Variants in LRMDA observed in about 807,000 individuals in gnomAD.
The protein encoded by LRMDA is leucine-rich melanocyte differentiation-associated protein.
A neutral mutation model predicts 29.8 loss-of-function variants in LRMDA; 18 were observed. The ratio of observed to expected loss-of-function variants is 0.60; its 90% confidence interval spans 0.42 to 0.90. LRMDA has a LOEUF of 0.90. Ranked by LOEUF, LRMDA falls within the 40% of genes least tolerant of loss-of-function variation. The pLI is 0.00. For missense variants in LRMDA, 273 were observed against 273.9 expected (o/e 1.00, Z 0.02); for synonymous variants, 125 against 109.4 (o/e 1.14, Z -0.89).
At chr10:75,602,630 C>T (rs1840901781) in intron 2 of LRMDA, among the ~76,000 whole-genome samples, 1 of 152,126 alleles carries the variant, frequency 6.6e-6, no homozygotes, top group Non-Finnish European at 1.5e-5. Context: ...AGCTTCCAAG[C>T]ATAACTCCTA....
chr10:75,637,650 T>C (rs948485451), intron 2 of LRMDA, among the ~76,000 whole-genome samples: 11 of 152,354 alleles, frequency 7.2e-5, no homozygotes, highest in African/African-American at 2.6e-4. Flanking sequence ...GAAGGAAAAA[T>C]TGGAACCACT....
intron 2 of LRMDA, among the ~76,000 whole-genome samples, chr10:75,752,501 C>T (rs1001455900): frequency 1.2e-4 from 18 of 152,198 alleles, no homozygotes; most frequent in African/African-American, 2.9e-4. Context: ...TGAACCACCA[C>T]GCCCAGCCAA....
intron 5 of LRMDA, among the ~76,000 whole-genome samples, chr10:76,250,160 G>A (rs1241840352): frequency 6.6e-6 from 1 of 152,172 alleles, no homozygotes; most frequent in Non-Finnish European, 1.5e-5. Context: ...GGTTCTCATT[G>A]CTGAGTTATC....
chr10:76,374,414 G>A (rs1042974524), intron 6 of LRMDA, among the ~76,000 whole-genome samples: 3 of 152,152 alleles, frequency 2.0e-5, no homozygotes, highest in African/African-American at 4.8e-5. Flanking sequence ...GGACTCATAC[G>A]TCTGGATTGG....
intron 2 of LRMDA, among the ~76,000 whole-genome samples, chr10:75,869,515 T>C (rs774869045): frequency 1.3e-5 from 2 of 152,228 alleles, no homozygotes; most frequent in Non-Finnish European, 2.9e-5. Flanking sequence ...GAGCCTGTTA[T>C]CACGTATTTT....
chr10:76,368,550 C>T (rs1841418482), intron 6 of LRMDA, among the ~76,000 whole-genome samples: 1 of 152,044 alleles, frequency 6.6e-6, no homozygotes, highest in African/African-American at 2.4e-5. Context: ...AAGTTCCATG[C>T]ATTGTTGAAT....
intron 2 of LRMDA, among the ~76,000 whole-genome samples, chr10:76,026,306 A>G (rs1410879986): frequency 1.3e-5 from 2 of 152,208 alleles, no homozygotes; most frequent in Admixed American, 6.5e-5. Flanking sequence ...GTAGTTTAAC[A>G]TAGTTGGGGA....
intron 2 of LRMDA, among the ~76,000 whole-genome samples, chr10:75,734,014 C>A (rs1021630494): frequency 6.6e-6 from 1 of 152,228 alleles, no homozygotes; most frequent in African/African-American, 2.4e-5. Context: ...TGGGCCTCAC[C>A]CAGCTGTTTC....
chr10:75,934,480 TA>T (rs1846254850), intron 2 of LRMDA, among the ~76,000 whole-genome samples: 1 of 152,134 alleles, frequency 6.6e-6, no homozygotes, highest in Admixed American at 6.5e-5. Context: ...TGAAAGCATT[TA>T]TAGGGAAGGA....
At chr10:75,701,834 C>A (rs1474612306) in intron 2 of LRMDA, among the ~76,000 whole-genome samples, 1 of 152,178 alleles carries the variant, frequency 6.6e-6, no homozygotes, top group Non-Finnish European at 1.5e-5. Context: ...CCCTCAATAA[C>A]CTTTGTTTCT....
Position 76,240,208 on chromosome 10 carries a change from C to T in LRMDA, c.517-84193C>T, listed in dbSNP as rs996866038. Among the ~76,000 whole-genome samples the T allele has an allele frequency of 9.9e-5, 15 of 151,040 alleles. No homozygotes were observed. The East Asian group carries it at 1.9e-3, about 20-fold the overall frequency. ...CACACACACACCACACACACACACA[C>T]ACCACACACACACATACGCACACCA... On this transcript the variant is annotated intron_variant, in intron 5 of 6. Coordinates refer to ENST00000611255, the MANE Select transcript of LRMDA (RefSeq NM_001305581.2).
chr10:76,110,050 GTC>G (rs1849552068), intron 5 of LRMDA, among the ~76,000 whole-genome samples: 1 of 152,124 alleles, frequency 6.6e-6, no homozygotes, highest in Non-Finnish European at 1.5e-5. Context: ...TCAGGGATGT[GTC>G]CTCTGACCAC....
At chr10:76,030,565 C>T (rs552074285) in intron 2 of LRMDA, among the ~76,000 whole-genome samples, 4 of 152,118 alleles carry the variant, frequency 2.6e-5, no homozygotes, top group East Asian at 3.9e-4. Flanking sequence ...CTGAGGGGGG[C>T]GGATTATGAG....
At chr10:75,542,372 G>A (rs566354570) in intron 2 of LRMDA, among the ~76,000 whole-genome samples, 2 of 151,936 alleles carry the variant, frequency 1.3e-5, no homozygotes, top group Non-Finnish European at 2.9e-5. Context: ...AGGAGTGTTT[G>A]CACTTTCACA....
intron 2 of LRMDA, among the ~76,000 whole-genome samples, chr10:75,684,252 T>C (rs1589156909): frequency 6.6e-6 from 1 of 152,208 alleles, no homozygotes; most frequent in Admixed American, 6.5e-5. Context: ...TTAAGAAACC[T>C]TTAAGCTTAG....
chr10:75,755,233 A>G (rs1038782600), intron 2 of LRMDA, among the ~76,000 whole-genome samples: 41 of 152,228 alleles, frequency 2.7e-4, no homozygotes, highest in African/African-American at 9.9e-4. Flanking sequence ...AAAAAGTCTT[A>G]GTTAAATGAA....
intron 2 of LRMDA, among the ~76,000 whole-genome samples, chr10:75,526,639 G>A (rs1241572356): frequency 1.3e-5 from 2 of 151,950 alleles, no homozygotes; most frequent in African/African-American, 4.8e-5. Context: ...GATTGCTTGA[G>A]CCCAGGAGTT....
chr10:75,869,044 A>ATGTTG (rs1421039091), intron 2 of LRMDA, among the ~76,000 whole-genome samples: 2 of 152,210 alleles, frequency 1.3e-5, no homozygotes, highest in African/African-American at 4.8e-5. Flanking sequence ...AAATCACTGA[A>ATGTTG]TGTTGCCCAA....
intron 2 of LRMDA, among the ~76,000 whole-genome samples, chr10:76,007,268 C>T (rs1441830524): frequency 1.3e-5 from 2 of 151,938 alleles, no homozygotes; most frequent in Non-Finnish European, 2.9e-5. Context: ...CCCTCTCTGC[C>T]CACCCTCCCC....
Sources: allele counts gnomAD v4.1 joint callset (sites outside exome capture counted in the v4.1 genomes callset), GRCh38; gene constraint gnomAD v4.1.1; transcripts MANE v1.5; gene names NCBI Gene and HGNC (gene_info 2026-07-23, HGNC 2026-07-21).